The following RYR3 variants were observed in gnomAD, a reference collection of about 807,000 sequenced individuals.
The protein encoded by RYR3 is ryanodine receptor 3.
RYR3 carries 207 observed loss-of-function variants against 584.3 expected under a neutral mutation model. That is an observed-to-expected ratio of 0.35 (90% CI 0.32 to 0.40). The LOEUF is 0.40. Among genes scored for constraint, RYR3 ranks in the 10% least tolerant of loss-of-function variants. The pLI is 1.00. For missense variants in RYR3, 5,616 were observed against 6,089.2 expected, an observed-to-expected ratio of 0.92 and a Z score of 2.59; for synonymous variants, 2,416 against 2,248.5, an observed-to-expected ratio of 1.07 and a Z score of -2.11.
At chr15:33,677,707 C>T (rs2064281211) in intron 38 of RYR3, among the ~76,000 whole-genome samples, 1 of 152,140 alleles carries the variant, frequency 6.6e-6, no homozygotes, top group Admixed American at 6.5e-5. Flanking sequence ...GGGAGTGAAG[C>T]ATTTTGCTTC....
chr15:33,549,636 A>G (rs958030742), intron 9 of RYR3, among the ~76,000 whole-genome samples: 2 of 152,178 alleles, frequency 1.3e-5, no homozygotes, highest in African/African-American at 2.4e-5. Context: ...CTTATTTTCC[A>G]TAGAATTTAT....
intron 1 of RYR3, among the ~76,000 whole-genome samples, chr15:33,464,493 C>T (rs28454889): frequency 0.33 from 34,059 of 103,312 alleles, 6,254 homozygotes; most frequent in East Asian, 0.4. Context: ...TATATATACA[C>T]ATATATATAT....
chr15:33,649,162 G>A lies in RYR3; in HGVS notation c.4069G>A (p.Glu1357Lys). 6.2e-7 allele frequency: 1 copy of A among 1,613,824 alleles called. No homozygotes were observed. ...WVTPDYHLYS[E>K]KFDLNKNCTV... The stretch of plus-strand genomic sequence containing the variant: ...GACTCCAGACTATCACTTGTACAGT[G>A]AAAAGTTTGACCTGAATAAAAACTG... Residue 1357 changes from glutamate (E) to lysine (K), a missense_variant, in exon 31 of 104, where the codon GAA becomes AAA. Glu to Lys is a moderately conservative substitution (Grantham distance 56). Coordinates refer to ENST00000634891, the MANE Select transcript of RYR3 (RefSeq NM_001036.6).
chr15:33,582,476 G>C (rs1476146284), intron 14 of RYR3, among the ~76,000 whole-genome samples: 2 of 152,196 alleles, frequency 1.3e-5, no homozygotes, highest in African/African-American at 4.8e-5. Context: ...CCTGTAAAGT[G>C]TCTTCAAACT....
intron 43 of RYR3, among the ~76,000 whole-genome samples, chr15:33,712,451 A>G (rs966514165): frequency 1.3e-5 from 2 of 152,222 alleles, no homozygotes; most frequent in Admixed American, 6.5e-5. Context: ...CAGAAGAAGC[A>G]AAATGGTTTG....
intron 57 of RYR3, among the ~76,000 whole-genome samples, chr15:33,752,950 C>A (rs1027258645): frequency 6.7e-6 from 1 of 150,012 alleles, no homozygotes; most frequent in Non-Finnish European, 1.5e-5. Context: ...TCCATCAATA[C>A]CTAGTTTATT....
intron 1 of RYR3, among the ~76,000 whole-genome samples, chr15:33,361,504 G>A (rs375546690): frequency 4.6e-5 from 7 of 152,140 alleles, no homozygotes; most frequent in South Asian, 2.1e-4. Flanking sequence ...GAATTTCAGG[G>A]GTGTTTAGCA....
intron 98 of RYR3, 94 bp from the exon 99 acceptor site, chr15:33,857,686 C>T (rs2079837785): frequency 1.3e-6 from 2 of 1,511,060 alleles, no homozygotes; most frequent in East Asian, 4.5e-5. Flanking sequence ...TGCCCGTCCT[C>T]ACTCTTCCTC....
intron 38 of RYR3, among the ~76,000 whole-genome samples, chr15:33,687,560 CTACTT>C (rs2065102366): frequency 6.6e-6 from 1 of 152,180 alleles, no homozygotes; most frequent in Admixed American, 6.5e-5. Context: ...TTGGAAAAAA[CTACTT>C]TAAAGTTAAT....
Position 33,474,037 on chromosome 15 carries a change from G to A in RYR3, c.171+499G>A, listed in dbSNP as rs576983738. ...AGGGCAGAGAGTAATGTTTGCACTG[G>A]TCTCCGCCTGCATGGTGGCAATAAT... is the stretch of plus-strand genomic sequence containing the variant. On this transcript the variant is annotated intron_variant, in intron 2 of 103. Transcript: ENST00000634891. Among the ~76,000 whole-genome samples the A allele has an allele frequency of 1.3e-4, 20 of 152,306 alleles. No homozygotes were observed. In the South Asian group the frequency reaches 4.1e-3, roughly 32 times the overall value.
intron 1 of RYR3, among the ~76,000 whole-genome samples, chr15:33,422,890 T>C (rs1242886696): frequency 6.6e-6 from 1 of 152,242 alleles, no homozygotes; most frequent in Non-Finnish European, 1.5e-5. Flanking sequence ...GCATTTGACA[T>C]AGACCTAAAG....
Position 33,581,542 on chromosome 15 carries a change from G to A in RYR3, c.1472G>A (p.Arg491His), listed in dbSNP as rs747970625. 48 of 1,613,254 alleles carry A rather than the reference G, an allele frequency of 3.0e-5. No homozygotes were observed. The highest frequency in any genetic ancestry group is 3.3e-4 in the Middle Eastern group (2 of 6,080). The change falls in exon 14 of 104, where the codon CGC becomes CAC. Residue 491 changes from arginine (R) to histidine (H), a missense_variant. By Grantham distance (29) the Arg-to-His change is conservative. This residue lies in a region of RYR3 where 1,284 missense variants were observed against 1,344.6 expected (regional missense o/e 0.95). Transcript: ENST00000634891. ...MLALVLNCIDRLNVYNSVAHF... is the reference protein window; with the variant it reads ...MLALVLNCIDHLNVYNSVAHF... ...GCCCTTGTCTTAAATTGCATTGACCGCTTAAATGTCTACAATAGCGTAGCA... is the reference window on the plus strand; with the variant it reads ...GCCCTTGTCTTAAATTGCATTGACCACTTAAATGTCTACAATAGCGTAGCA...
chr15:33,486,513 A>G (rs903732924), intron 2 of RYR3, among the ~76,000 whole-genome samples: 13 of 152,206 alleles, frequency 8.5e-5, no homozygotes, highest in African/African-American at 3.1e-4. Flanking sequence ...ATTCACAGGT[A>G]CAGGGGGTTA....
At chr15:33,313,571 T>A (rs1282820943) in intron 1 of RYR3, among the ~76,000 whole-genome samples, 1 of 152,234 alleles carries the variant, frequency 6.6e-6, no homozygotes, top group African/African-American at 2.4e-5. Flanking sequence ...TCTGGGTATG[T>A]CTGGGTTAGG....
intron 12 of RYR3, among the ~76,000 whole-genome samples, chr15:33,572,791 A>G (rs1408052791): frequency 1.3e-5 from 2 of 152,084 alleles, no homozygotes; most frequent in Non-Finnish European, 2.9e-5. Context: ...CCTGACCAAC[A>G]TGGAGAAACC....
intron 1 of RYR3, among the ~76,000 whole-genome samples, chr15:33,338,237 A>C (rs936685490): frequency 4.6e-5 from 7 of 151,626 alleles, no homozygotes; most frequent in African/African-American, 7.3e-5. Context: ...GAGCCACCGC[A>C]CCCGGCCCAT....
chr15:33,818,702 A>C lies in RYR3; in HGVS notation c.10706+18A>C, dbSNP rs992995491. Reference sequence around the variant, plus strand: ...GAGAGGAGGTCAGAACCACCAGCTCACCTGCTTCTCCCAGGCACCAGGGAT... The same window carrying C: ...GAGAGGAGGTCAGAACCACCAGCTCCCCTGCTTCTCCCAGGCACCAGGGAT... On this transcript the variant is annotated intron_variant, in intron 76 of 103. Coordinates refer to ENST00000634891, the MANE Select transcript of RYR3 (RefSeq NM_001036.6). The C allele has an allele frequency of 7.9e-5, 124 of 1,573,198 alleles. No individual in the cohort carries two copies. Among genetic ancestry groups the C allele is most frequent in the Middle Eastern group, 1.8e-4 (1 of 5,698 alleles).
intron 1 of RYR3, among the ~76,000 whole-genome samples, chr15:33,372,025 G>T (rs763330337): frequency 4.6e-5 from 7 of 152,222 alleles, no homozygotes; most frequent in Non-Finnish European, 1.0e-4. Flanking sequence ...TCATGAAACT[G>T]CTTTGCACAT....
chr15:33,765,581 C>T lies in RYR3; in HGVS notation c.8706-3077C>T, dbSNP rs774387587. On this transcript the variant is annotated intron_variant, in intron 60 of 103. Transcript: ENST00000634891. ...CCAGGAGGCGGAGGTTGCAGTGAGCCGAGATGGCACCACTGCACTCCAGCC... is the reference window on the plus strand; with the variant it reads ...CCAGGAGGCGGAGGTTGCAGTGAGCTGAGATGGCACCACTGCACTCCAGCC... Among the ~76,000 whole-genome samples, 12 of 142,498 alleles carry T rather than the reference C, an allele frequency of 8.4e-5. 1 individual carries two copies. The highest frequency in any genetic ancestry group is 2.2e-4 in the East Asian group (1 of 4,576). 93.5% of individuals were successfully genotyped at this position (142,498 alleles called of 152,430 possible).
Sources: gnomAD v4.1 joint callset for allele counts (sites outside exome capture counted in the v4.1 genomes callset) on GRCh38, gnomAD v4.1.1 for gene constraint, gnomAD v4.1.1 regional missense constraint, MANE v1.5 for transcripts, NCBI Gene and HGNC (gene_info 2026-07-23, HGNC 2026-07-21) for gene names.